Variants in PRKCQ observed in about 807,000 individuals in gnomAD.
PRKCQ encodes protein kinase C theta, also known as protein kinase C theta type.
A neutral mutation model predicts 91.2 loss-of-function variants in PRKCQ; 41 were observed. The observed-to-expected ratio is 0.45, with a 90% CI of 0.35 to 0.58. The LOEUF (loss-of-function observed/expected upper bound fraction) is 0.58. Ranked by LOEUF, PRKCQ falls within the 20% of genes least tolerant of loss-of-function variation. The pLI, the probability that PRKCQ is intolerant of heterozygous loss-of-function variation, is 0.00. For synonymous variants in PRKCQ, 307 were observed against 316.9 expected, an observed-to-expected ratio of 0.97 and a Z score of 0.33; for missense variants, 673 against 896.5, an observed-to-expected ratio of 0.75 and a Z score of 3.18.
At chr10:6,477,521 C>A (rs562434619) in intron 12 of PRKCQ, among the ~76,000 whole-genome samples, 1 of 152,322 alleles carries the variant, frequency 6.6e-6, no homozygotes, top group East Asian at 1.9e-4. Context: ...TGGCTCAAGT[C>A]TCCTTAGAAG....
chr10:6,438,813 C>G (rs527703806), intron 16 of PRKCQ, among the ~76,000 whole-genome samples: 53 of 152,196 alleles, frequency 3.5e-4, no homozygotes, highest in Non-Finnish European at 4.0e-4. Context: ...CCAGGCTGGT[C>G]TTGAATTTCG....
At chr10:6,491,662 C>A (rs769436095) in intron 8 of PRKCQ, 21 bp downstream of exon 8, 1 of 1,613,514 alleles carries the variant, frequency 6.2e-7, no homozygotes, top group Non-Finnish European at 8.5e-7. Flanking sequence ...TCGGGCCATG[C>A]TCATCCCCCA....
chr10:6,476,394 T>C (rs969384417), intron 12 of PRKCQ, among the ~76,000 whole-genome samples: 2 of 151,602 alleles, frequency 1.3e-5, no homozygotes, highest in Non-Finnish European at 1.5e-5. Flanking sequence ...CTAAAATGTG[T>C]TTATAGTAAC....
At chr10:6,511,232 C>T (rs1204224367) in intron 2 of PRKCQ, 38 bp from the exon 3 acceptor site, 1 of 1,588,530 alleles carries the variant, frequency 6.3e-7, no homozygotes, top group South Asian at 1.1e-5. Flanking sequence ...ATTCCTTCAG[C>T]CAGGCCTGGA....
chr10:6,536,752 AC>A (rs1330333028), intron 1 of PRKCQ, among the ~76,000 whole-genome samples: 9 of 152,144 alleles, frequency 5.9e-5, no homozygotes, highest in Non-Finnish European at 1.3e-4. Flanking sequence ...TCTTCCCGAC[AC>A]AACACTTTCC....
At chr10:6,496,825 C>T (rs1205084800) in intron 7 of PRKCQ, among the ~76,000 whole-genome samples, 2 of 152,126 alleles carry the variant, frequency 1.3e-5, no homozygotes, top group Non-Finnish European at 2.9e-5. Flanking sequence ...CAGGCTTATG[C>T]CACCAGGCCT....
intron 1 of PRKCQ, among the ~76,000 whole-genome samples, chr10:6,520,939 T>C (rs1422452808): frequency 3.3e-5 from 5 of 152,214 alleles, no homozygotes; most frequent in African/African-American, 1.2e-4. Flanking sequence ...TCATCTGCAA[T>C]ACATTCAGCA....
the PRKCQ span, among the ~76,000 whole-genome samples, chr10:6,400,631 G>GA: frequency 0.4 from 53,942 of 135,982 alleles, 11,721 homozygotes; most frequent in African/African-American, 0.62. Context: ...CTTCCTTTCA[G>GA]AAAAAAAAAA....
At position 6,515,141 on chromosome 10, in the gene PRKCQ, C is replaced by T. The variant is rs751565094; in HGVS notation, c.-6G>A. ...ATCCGAAGAAATGGCGACATGGTTG[C>T]GCCCTGGAAAAAGACAAAAGACAAA... On this transcript the variant is annotated 5_prime_UTR_variant, in exon 2 of 18. Transcript: ENST00000263125. 2.5e-5 allele frequency: 40 copies of T among 1,612,160 alleles called. No homozygotes were observed. In the South Asian group the frequency reaches 3.3e-4, roughly 13 times the overall value.
At chr10:6,486,003 G>T in intron 9 of PRKCQ, 32 bp downstream of exon 9, 1 of 1,576,250 alleles carries the variant, frequency 6.3e-7, no homozygotes, top group South Asian at 1.1e-5. Context: ...GAGCGGCCAT[G>T]GCGGGAACGT....
At position 6,487,059 on chromosome 10, in the gene PRKCQ, T is replaced by C. The variant is rs1325348601; in HGVS notation, c.791-915A>G. On this transcript the variant is annotated intron_variant, in intron 8 of 17. Coordinates refer to ENST00000263125, the MANE Select transcript of PRKCQ (RefSeq NM_006257.5). ...GCCACAGGCTTCACCAGTGTGGGCT[T>C]AGATGAGGAGGCCAACAGCAACCGG... is the stretch of plus-strand genomic sequence containing the variant. Among the ~76,000 whole-genome samples, 4 of 152,114 alleles carry C rather than the reference T, an allele frequency of 2.6e-5. No homozygotes were observed. In the East Asian group the frequency reaches 7.7e-4, roughly 29 times the overall value.
intron 1 of PRKCQ, among the ~76,000 whole-genome samples, chr10:6,551,855 C>T (rs1180979681): frequency 1.3e-5 from 2 of 152,170 alleles, no homozygotes; most frequent in African/African-American, 2.4e-5. Flanking sequence ...ATTCCTGGGT[C>T]GAATGGTAGC....
rs1221959165 is a variant in PRKCQ, at chr10:6,533,520, A to G, written c.-9-18376T>C. 5.9e-5 allele frequency among the ~76,000 whole-genome samples: 9 copies of G among 152,298 alleles called. No homozygotes were observed. In the East Asian group the frequency reaches 9.6e-4, roughly 16 times the overall value. On this transcript the variant is annotated intron_variant, in intron 1 of 17. Transcript: ENST00000263125. Reference sequence around the variant, plus strand: ...CCTGGGTTCACTCCTGACGCTGTACATTCTATGGATAATGAGATGGATCCA... The same window carrying G: ...CCTGGGTTCACTCCTGACGCTGTACGTTCTATGGATAATGAGATGGATCCA...
Position 6,497,471 on chromosome 10 carries a change from T to G in PRKCQ, c.543-220A>C, listed in dbSNP as rs1837683121. ...ATTAAATAAATGAGAACTGGCTGATTTATCATCCTTGTATTTTCCAAACAT... is the reference window on the plus strand; with the variant it reads ...ATTAAATAAATGAGAACTGGCTGATGTATCATCCTTGTATTTTCCAAACAT... On this transcript the variant is annotated intron_variant, in intron 5 of 17. Transcript: ENST00000263125. The surrounding 1 kb of genome is among the most constrained non-coding windows in gnomAD (Gnocchi z 4.5). 6.6e-6 allele frequency among the ~76,000 whole-genome samples: 1 copy of G among 152,224 alleles called. No homozygotes were observed. The highest frequency in any genetic ancestry group is 6.5e-5 in the Admixed American group (1 of 15,282).
intron 1 of PRKCQ, among the ~76,000 whole-genome samples, chr10:6,574,575 T>C (rs1841159026): frequency 6.6e-6 from 1 of 152,204 alleles, no homozygotes; most frequent in South Asian, 2.1e-4. Context: ...CACCCAGCAA[T>C]AGCCCACACA....
intron 1 of PRKCQ, among the ~76,000 whole-genome samples, chr10:6,527,773 C>T (rs753696511): frequency 1.7e-4 from 26 of 152,174 alleles, no homozygotes; most frequent in African/African-American, 5.3e-4. Context: ...ACACTGCTTA[C>T]GAGGAAATTC....
the PRKCQ span, among the ~76,000 whole-genome samples, chr10:6,407,325 A>G: frequency 4.6e-5 from 7 of 152,044 alleles, no homozygotes; most frequent in Admixed American, 1.3e-4. This position sits in a 1 kb window ranked among gnomAD's most constrained non-coding sequence, Gnocchi z 4.0. Flanking sequence ...GGAGGGGGCA[A>G]TATTGGAGCA....
chr10:6,459,211 A>AT (rs1274360979), intron 14 of PRKCQ, among the ~76,000 whole-genome samples: 1 of 152,052 alleles, frequency 6.6e-6, no homozygotes, highest in African/African-American at 2.4e-5. Context: ...CTGGTGATAT[A>AT]TTTTTTCCTT....
At chr10:6,395,905 A>G in the PRKCQ span, among the ~76,000 whole-genome samples, 6 of 151,998 alleles carry the variant, frequency 3.9e-5, no homozygotes, top group East Asian at 5.8e-4. Context: ...CTCCCACTCT[A>G]TTTAGCTCTC....
Sources: allele counts gnomAD v4.1 joint callset (sites outside exome capture counted in the v4.1 genomes callset), GRCh38; gene constraint gnomAD v4.1.1; non-coding constraint Gnocchi (gnomAD v3.1); transcripts MANE v1.5; gene names NCBI Gene and HGNC (gene_info 2026-07-23, HGNC 2026-07-21).